DOCK1: variants seen among roughly 807,000 people sequenced by gnomAD.
DOCK1 encodes the protein dedicator of cytokinesis 1, also known as dedicator of cytokinesis protein 1.
A neutral mutation model predicts 262.7 loss-of-function variants in DOCK1; 138 were observed. The observed-to-expected ratio is 0.53, with a 90% CI of 0.46 to 0.61. DOCK1 has a LOEUF of 0.61. Ranked by LOEUF, DOCK1 falls within the 20% of genes least tolerant of loss-of-function variation. The probability of loss-of-function intolerance (pLI) is 0.00; values close to 1 mark genes in which losing one functional copy is unlikely to be tolerated. For missense variants in DOCK1, 1,908 were observed against 2,370.7 expected, an observed-to-expected ratio of 0.80 and a Z score of 4.05; for synonymous variants, 866 against 867.4, an observed-to-expected ratio of 1.00 and a Z score of 0.03.
intron 29 of DOCK1, among the ~76,000 whole-genome samples, chr10:127,264,916 G>A (rs1407336018): frequency 4.6e-5 from 7 of 152,126 alleles, no homozygotes; most frequent in African/African-American, 1.2e-4. Flanking sequence ...TGATCCACCC[G>A]CCTTGTCCTC....
At chr10:127,093,242 C>CCTTCT (rs2047676830) in intron 23 of DOCK1, among the ~76,000 whole-genome samples, 2 of 79,342 alleles carry the variant, frequency 2.5e-5, no homozygotes, top group African/African-American at 1.3e-4. Context: ...TTTCTTTCTT[C>CCTTCT]TTTTTTTTTT....
At chr10:126,933,918 G>A (rs1166751064) in intron 1 of DOCK1, among the ~76,000 whole-genome samples, 1 of 152,062 alleles carries the variant, frequency 6.6e-6, no homozygotes, top group Non-Finnish European at 1.5e-5. Flanking sequence ...ACGTTCAAGT[G>A]ATTCTCCTGC....
chr10:127,276,824 A>G (rs1174304729), intron 29 of DOCK1, among the ~76,000 whole-genome samples: 1 of 135,660 alleles, frequency 7.4e-6, no homozygotes, highest in Admixed American at 7.1e-5. Context: ...CATGCAGGGA[A>G]TTTAGAAATC....
rs1465293825 is a variant in DOCK1, at chr10:127,004,768, CG to C, written c.986-3963del. On this transcript the variant is annotated intron_variant, in intron 10 of 51. Coordinates refer to ENST00000623213, the MANE Select transcript of DOCK1 (RefSeq NM_001290223.2). ...TGTCCCCCCCAACGGCCCCCTGCCC[CG>C]CCACCCCCCCGCCCCAAAAAAAAGA... 6.6e-3 allele frequency among the ~76,000 whole-genome samples: 433 copies of C among 65,170 alleles called. 3 individuals carry two copies. Among genetic ancestry groups the C allele is most frequent in the Non-Finnish European group, 9.0e-3 (258 of 28,658 alleles). The allele number at this position is 65,170 out of a possible 152,430, so 42.8% of individuals were successfully genotyped here. A position where few individuals can be genotyped will look rare whatever the true frequency, so the allele number is the denominator to read the frequency against.
In DOCK1 at chr10:126,924,087, G is replaced by C. The variant is rs139780498; in HGVS notation, c.46+18524G>C. 7.4e-3 allele frequency among the ~76,000 whole-genome samples: 1,124 copies of C among 152,254 alleles called. 19 individuals are homozygous for C. The highest frequency in any genetic ancestry group is 0.026 in the African/African-American group (1,079 of 41,542). ...TAGAGAGAAACAGGCAGAGAAATAGGAGAGTTGAAGGGTACCCCACCCTCC... is the reference window on the plus strand; with the variant it reads ...TAGAGAGAAACAGGCAGAGAAATAGCAGAGTTGAAGGGTACCCCACCCTCC... On this transcript the variant is annotated intron_variant, in intron 1 of 51. Transcript: ENST00000623213.
intron 38 of DOCK1, among the ~76,000 whole-genome samples, chr10:127,400,413 C>T (rs918794966): frequency 7.2e-5 from 11 of 152,194 alleles, no homozygotes; most frequent in African/African-American, 2.7e-4. Flanking sequence ...CTGTGGGAAC[C>T]TGCAGTTCAA....
chr10:127,155,925 A>AG (rs1367951662), intron 27 of DOCK1, among the ~76,000 whole-genome samples: 3 of 152,156 alleles, frequency 2.0e-5, no homozygotes, highest in Admixed American at 6.6e-5. Context: ...GTGGCAGATG[A>AG]GGTACTGCTC....
intron 23 of DOCK1, among the ~76,000 whole-genome samples, chr10:127,076,779 CA>C (rs2046582173): frequency 1.3e-5 from 2 of 152,208 alleles, no homozygotes; most frequent in South Asian, 2.1e-4. Context: ...CCAGGGCTGA[CA>C]GGGGGGCTCC....
In DOCK1 at chr10:127,341,146, G is replaced by A. The variant is rs142740495; in HGVS notation, c.3123+2062G>A. Reference sequence around the variant, plus strand: ...AATCCATTTGGGATTTCTGTAGTTAGTATAGGGGTAAGGATCTAACTTCAC... The same window carrying A: ...AATCCATTTGGGATTTCTGTAGTTAATATAGGGGTAAGGATCTAACTTCAC... On this transcript the variant is annotated intron_variant, in intron 30 of 51. Coordinates refer to ENST00000623213, the MANE Select transcript of DOCK1 (RefSeq NM_001290223.2). Among the ~76,000 whole-genome samples, 4 of 152,278 alleles carry A rather than the reference G, an allele frequency of 2.6e-5. No homozygotes were observed. In the East Asian group the frequency reaches 7.7e-4, roughly 29 times the overall value.
In DOCK1 at chr10:127,285,696, A is replaced by G. The variant is rs59353976; in HGVS notation, c.3044+28267A>G. Among the ~76,000 whole-genome samples, 1,305 of 152,304 alleles carry G rather than the reference A, an allele frequency of 8.6e-3. 34 individuals are homozygous for G. In the East Asian group the frequency reaches 0.1, roughly 12 times the overall value. ...GCGGTCAGACCGCCAAGGTCATGCC[A>G]TCTTCTGGGCACTGGTAGTCCCTAT... On this transcript the variant is annotated intron_variant, in intron 29 of 51. Coordinates refer to ENST00000623213, the MANE Select transcript of DOCK1 (RefSeq NM_001290223.2).
At chr10:127,088,145 C>T (rs2047308048) in intron 23 of DOCK1, among the ~76,000 whole-genome samples, 1 of 152,164 alleles carries the variant, frequency 6.6e-6, no homozygotes, top group Non-Finnish European at 1.5e-5. Flanking sequence ...CCAAGGGCCT[C>T]ATATTTTTCT....
chr10:127,441,521 C>T lies in DOCK1; in HGVS notation c.5259+2296C>T, dbSNP rs184595437. 7.8e-3 allele frequency among the ~76,000 whole-genome samples: 1,192 copies of T among 152,334 alleles called. 12 individuals carry two copies. The highest frequency in any genetic ancestry group is 0.024 in the South Asian group (114 of 4,832). ...AACCTGTCTGTCTACGCAGAGGGCACCTCCTCCAGGGGACGGGTGCCGGCA... is the reference window on the plus strand; with the variant it reads ...AACCTGTCTGTCTACGCAGAGGGCATCTCCTCCAGGGGACGGGTGCCGGCA... On this transcript the variant is annotated intron_variant, in intron 49 of 51. Coordinates refer to ENST00000623213, the MANE Select transcript of DOCK1 (RefSeq NM_001290223.2).
intron 43 of DOCK1, among the ~76,000 whole-genome samples, chr10:127,412,303 G>T (rs761493356): frequency 6.6e-6 from 1 of 152,120 alleles, no homozygotes; most frequent in Non-Finnish European, 1.5e-5. Context: ...TGCTTTCATG[G>T]ATTCATTTGT....
chr10:127,253,455 A>C (rs1278184808), intron 28 of DOCK1, among the ~76,000 whole-genome samples: 36 of 152,196 alleles, frequency 2.4e-4, no homozygotes, highest in Non-Finnish European at 1.0e-4. Flanking sequence ...ATCTACCTGG[A>C]GTTAGCATCA....
chr10:126,948,480 T>C (rs942620081), intron 1 of DOCK1, among the ~76,000 whole-genome samples: 4 of 151,768 alleles, frequency 2.6e-5, no homozygotes, highest in Non-Finnish European at 5.9e-5. Flanking sequence ...ATGTTGCTGG[T>C]GAGGGTGATG....
At chr10:127,286,292 G>A (rs2061150246) in intron 29 of DOCK1, among the ~76,000 whole-genome samples, 1 of 152,074 alleles carries the variant, frequency 6.6e-6, no homozygotes, top group Non-Finnish European at 1.5e-5. Context: ...GGATAATTCA[G>A]ATTTAGAATT....
intron 27 of DOCK1, among the ~76,000 whole-genome samples, chr10:127,213,071 G>A (rs988137327): frequency 1.3e-5 from 2 of 152,142 alleles, no homozygotes; most frequent in Non-Finnish European, 2.9e-5. Flanking sequence ...AATGTCGACA[G>A]CTTGCTGTAT....
At chr10:127,367,778 C>T (rs981645450) in intron 33 of DOCK1, among the ~76,000 whole-genome samples, 12 of 152,216 alleles carry the variant, frequency 7.9e-5, no homozygotes, top group Admixed American at 3.9e-4. Context: ...CGCTGCATGA[C>T]GCTCTTGCAA....
At chr10:127,069,229 T>C (rs1591888731) in intron 23 of DOCK1, among the ~76,000 whole-genome samples, 1 of 152,350 alleles carries the variant, frequency 6.6e-6, no homozygotes, top group Admixed American at 6.5e-5. Flanking sequence ...CATTGGGCTA[T>C]GCAGCTGCCA....
Sources: gnomAD v4.1 joint callset for allele counts (sites outside exome capture counted in the v4.1 genomes callset) on GRCh38, gnomAD v4.1.1 for gene constraint, MANE v1.5 for transcripts, NCBI Gene and HGNC (gene_info 2026-07-23, HGNC 2026-07-21) for gene names.